Variants in NR2C2 observed in about 807,000 individuals in gnomAD.
NR2C2 encodes nuclear receptor subfamily 2 group C member 2.
In NR2C2, 6 loss-of-function variants were observed where a neutral mutation model predicts 62.9. The ratio of observed to expected loss-of-function variants is 0.10; its 90% CI spans 0.05 to 0.19. NR2C2 has a LOEUF of 0.19. Ranked by LOEUF, NR2C2 falls within the 10% of genes least tolerant of loss-of-function variation. The pLI is 1.00. For synonymous variants in NR2C2, 272 were observed against 273.8 expected (o/e 0.99, Z 0.07); for missense variants, 479 against 762.7 (o/e 0.63, Z 4.38).
At chr3:15,037,362 C>T (rs867654737) in intron 11 of NR2C2, among the ~76,000 whole-genome samples, 1 of 152,046 alleles carries the variant, frequency 6.6e-6, no homozygotes, top group African/African-American at 2.4e-5. Context: ...CACGAGCCAC[C>T]ACAACTGGCC....
At chr3:14,987,750 A>C (rs1039100232) in intron 1 of NR2C2, among the ~76,000 whole-genome samples, 2 of 152,234 alleles carry the variant, frequency 1.3e-5, no homozygotes, top group African/African-American at 4.8e-5. Context: ...AGTGCCTGAA[A>C]TACAGTGCCT....
At chr3:14,967,465 A>C (rs997705638) in intron 1 of NR2C2, among the ~76,000 whole-genome samples, 8 of 152,100 alleles carry the variant, frequency 5.3e-5, no homozygotes, top group African/African-American at 1.9e-4. Context: ...TGGAAACCTC[A>C]TACGTTGCTG....
intron 10 of NR2C2, among the ~76,000 whole-genome samples, chr3:15,033,040 A>T (rs1000420669): frequency 6.7e-6 from 1 of 150,066 alleles, no homozygotes; most frequent in Non-Finnish European, 1.5e-5. Context: ...CGGCTCTGCC[A>T]GTGTGCCAAG....
chr3:15,028,879 G>GT (rs2041893881), intron 8 of NR2C2, among the ~76,000 whole-genome samples, 160 bp downstream of exon 8: 2 of 152,110 alleles, frequency 1.3e-5, no homozygotes, highest in African/African-American at 2.4e-5. Flanking sequence ...AATTTTAACT[G>GT]TGGGAACATA....
At chr3:15,023,894 G>A (rs767039730) in intron 6 of NR2C2, among the ~76,000 whole-genome samples, 21 of 152,306 alleles carry the variant, frequency 1.4e-4, no homozygotes, top group Middle Eastern at 3.4e-3. Flanking sequence ...GGATGCATCT[G>A]CATTTCATCC....
chr3:14,977,569 A>G (rs1457740174), intron 1 of NR2C2, among the ~76,000 whole-genome samples: 1 of 151,972 alleles, frequency 6.6e-6, no homozygotes, highest in Non-Finnish European at 1.5e-5. Context: ...TCTTTCTTAC[A>G]TAGTTGCTTT....
chr3:14,962,088 A>G (rs1329470751), intron 1 of NR2C2, among the ~76,000 whole-genome samples: 2 of 152,200 alleles, frequency 1.3e-5, no homozygotes, highest in Non-Finnish European at 2.9e-5. Context: ...ACTATCCAAA[A>G]AGGTGTGATT....
chr3:15,026,272 T>C (rs2041820445), intron 7 of NR2C2: 1 of 152,230 alleles, frequency 6.6e-6, no homozygotes, highest in Non-Finnish European at 1.5e-5. Context: ...TTCACCCACC[T>C]TAGTCCCTGC....
At chr3:14,996,550 C>T (rs1314201334) in intron 1 of NR2C2, among the ~76,000 whole-genome samples, 1 of 152,136 alleles carries the variant, frequency 6.6e-6, no homozygotes, top group African/African-American at 2.4e-5. Flanking sequence ...TTTGAAGTTT[C>T]ACGTTTTAGC....
chr3:14,964,263 T>C (rs894289496), intron 1 of NR2C2, among the ~76,000 whole-genome samples: 3 of 152,222 alleles, frequency 2.0e-5, no homozygotes, highest in African/African-American at 2.4e-5. Flanking sequence ...ATACATACTT[T>C]TAAGATTAAA....
rs1219006006 is a variant in NR2C2 at position 14,995,409 on chromosome 3, C to G, written c.-39-8467C>G. 6.7e-5 allele frequency among the ~76,000 whole-genome samples: 10 copies of G among 149,742 alleles called. No homozygotes were observed. In the South Asian group the frequency reaches 2.1e-3, roughly 32 times the overall value. On this transcript the variant is annotated intron_variant, in intron 1 of 13. Transcript: ENST00000425241. ...TTTACTTTCTATCTTTATATTTGTTCTGGACATTTCATATAAATTGAATCA... is the reference window on the plus strand; with the variant it reads ...TTTACTTTCTATCTTTATATTTGTTGTGGACATTTCATATAAATTGAATCA...
At chr3:15,008,961 C>T (rs2041270511) in intron 2 of NR2C2, among the ~76,000 whole-genome samples, 1 of 152,188 alleles carries the variant, frequency 6.6e-6, no homozygotes, top group Non-Finnish European at 1.5e-5. Flanking sequence ...CGGCTAGTGC[C>T]TATAATCCCA....
chr3:15,028,638 T>C lies in NR2C2; in HGVS notation c.851T>C (p.Leu284Pro). The change falls in exon 8 of 14, where the codon CTT becomes CCT. Residue 284 changes from leucine to proline, a missense_variant. Leu to Pro is a moderately conservative substitution (Grantham distance 98, BLOSUM62 -3). This residue lies in a region of NR2C2 where 151 missense variants were observed against 176.1 expected (regional missense o/e 0.86). Transcript: ENST00000425241. Reference protein sequence around the residue: ...LGTLANVVTSLANLSESLNNG... With the variant: ...LGTLANVVTSPANLSESLNNG... Reference sequence around the variant, plus strand: ...ACACTGGCAAATGTAGTGACCTCCCTTGCCAACCTAAGTGAATCTTTGAAC... The same window carrying C: ...ACACTGGCAAATGTAGTGACCTCCCCTGCCAACCTAAGTGAATCTTTGAAC... 1 of 1,614,156 alleles carries C rather than the reference T, an allele frequency of 6.2e-7. No individual in the cohort carries two copies. The highest frequency in any genetic ancestry group is 8.5e-7 in the Non-Finnish European group (1 of 1,179,994).
intron 5 of NR2C2, among the ~76,000 whole-genome samples, chr3:15,021,133 G>A (rs925898763): frequency 2.0e-5 from 3 of 152,200 alleles, no homozygotes; most frequent in African/African-American, 4.8e-5. Flanking sequence ...TGCTGTGTGT[G>A]TGGAAAGCCT....
At chr3:15,035,007 T>G (rs2125073768) in intron 11 of NR2C2, among the ~76,000 whole-genome samples, 198 bp downstream of exon 11, 1 of 152,284 alleles carries the variant, frequency 6.6e-6, no homozygotes, top group Admixed American at 6.5e-5. Context: ...GTATGGAGCC[T>G]TTGGGCTGGG....
intron 1 of NR2C2, among the ~76,000 whole-genome samples, chr3:15,002,858 ATGTTGGTCAGGCT>A (rs2041056936): frequency 6.6e-6 from 1 of 150,588 alleles, no homozygotes; most frequent in Middle Eastern, 3.2e-3. Flanking sequence ...GGGTTTTACC[ATGTTGGTCAGGCT>A]TGTCTCTAAC....
intron 1 of NR2C2, chr3:14,948,397 G>A (rs2039210269): frequency 1.3e-5 from 2 of 152,278 alleles, no homozygotes; most frequent in Non-Finnish European, 2.9e-5. Context: ...GGAGGAAGGC[G>A]GGTGCGAGGC....
chr3:15,000,763 A>G lies in NR2C2; in HGVS notation c.-39-3113A>G, dbSNP rs184324154. Among the ~76,000 whole-genome samples the G allele has an allele frequency of 9.2e-5, 14 of 152,018 alleles. No individual in the cohort carries two copies. The South Asian group carries it at 2.7e-3, about 29-fold the overall frequency. ...TTGAATCTTTAGATCAATTTGGGGAATATCACCATCTTAACAATATTAAGT... is the reference window on the plus strand; with the variant it reads ...TTGAATCTTTAGATCAATTTGGGGAGTATCACCATCTTAACAATATTAAGT... On this transcript the variant is annotated intron_variant, in intron 1 of 13. Coordinates refer to ENST00000425241, the MANE Select transcript of NR2C2 (RefSeq NM_001291694.2).
rs1467867447 is a variant in NR2C2 at position 15,046,058 on chromosome 3, A to G, written c.*3050A>G. 2.0e-5 allele frequency: 3 copies of G among 152,254 alleles called. No homozygotes were observed. Among genetic ancestry groups the G allele is most frequent in the African/African-American group, 7.2e-5 (3 of 41,468 alleles). 9.4% of individuals were successfully genotyped at this position (152,254 alleles called of 1,614,324 possible). On this transcript the variant is annotated 3_prime_UTR_variant, in exon 14 of 14. Coordinates refer to ENST00000425241, the MANE Select transcript of NR2C2 (RefSeq NM_001291694.2). ...GAAAGACCAAATTAGTTGAGCAAGT[A>G]ATACTTTTCAAGTTACTCCTGGAAG...
Sources: allele counts gnomAD v4.1 joint callset (sites outside exome capture counted in the v4.1 genomes callset), GRCh38; gene constraint gnomAD v4.1.1; regional missense constraint gnomAD v4.1.1; transcripts MANE v1.5; gene names NCBI Gene and HGNC (gene_info 2026-07-23, HGNC 2026-07-21).